NIBAN1: variants seen among roughly 807,000 people sequenced by gnomAD.
The protein encoded by NIBAN1 is niban apoptosis regulator 1, also known as protein Niban 1.
In NIBAN1, 81 loss-of-function variants were observed where a neutral mutation model predicts 75.1. The observed-to-expected ratio is 1.08, with a 90% CI of 0.90 to 1.30. The LOEUF (loss-of-function observed/expected upper bound fraction) is 1.30, where lower values mean the gene tolerates loss of function less well. Ranked by LOEUF, NIBAN1 falls within the 50% of genes most tolerant of loss-of-function variation. The pLI is 0.00. For synonymous variants in NIBAN1, 436 were observed against 424.8 expected (o/e 1.03, Z -0.32); for missense variants, 1,133 against 1,128.1 (o/e 1.00, Z -0.06).
chr1:184,834,127 T>C (rs1415206880), intron 5 of NIBAN1, among the ~76,000 whole-genome samples: 2 of 152,048 alleles, frequency 1.3e-5, no homozygotes, highest in Non-Finnish European at 2.9e-5. Flanking sequence ...TCTGTCCTTG[T>C]GATAGTTTGC....
At chr1:184,890,261 C>T (rs781546627) in intron 3 of NIBAN1, 39 bp from the exon 4 acceptor site, 1 of 1,506,794 alleles carries the variant, frequency 6.6e-7, no homozygotes, top group Admixed American at 1.7e-5. Context: ...TATCTTTTTC[C>T]CCATTTGATT....
chr1:184,856,891 G>A (rs1296358861), intron 5 of NIBAN1, among the ~76,000 whole-genome samples: 1 of 152,202 alleles, frequency 6.6e-6, no homozygotes, highest in Admixed American at 6.5e-5. Flanking sequence ...ATGGGAGTCT[G>A]GTTTGGAATA....
intron 5 of NIBAN1, among the ~76,000 whole-genome samples, chr1:184,881,196 G>C (rs1450211363): frequency 6.6e-6 from 1 of 152,086 alleles, no homozygotes; most frequent in South Asian, 2.1e-4. Context: ...TTTTGAAGGA[G>C]GGAGAAACAT....
At chr1:184,877,225 A>G (rs961083088) in intron 5 of NIBAN1, among the ~76,000 whole-genome samples, 12 of 152,226 alleles carry the variant, frequency 7.9e-5, no homozygotes, top group Admixed American at 5.9e-4. Flanking sequence ...ATAATACTGA[A>G]CAAAAAGAAG....
chr1:184,898,578 T>C (rs1168096143), intron 2 of NIBAN1, among the ~76,000 whole-genome samples: 3 of 152,226 alleles, frequency 2.0e-5, no homozygotes, highest in African/African-American at 7.2e-5. Context: ...ATTGTATCAC[T>C]GCACTCCAGC....
intron 5 of NIBAN1, among the ~76,000 whole-genome samples, chr1:184,864,962 C>A: frequency 1.4e-5 from 2 of 144,188 alleles, no homozygotes. Flanking sequence ...CAGGTTTTAG[C>A]TGAAACAATA....
At chr1:184,901,922 G>A (rs542866414) in intron 1 of NIBAN1, among the ~76,000 whole-genome samples, 1 of 152,288 alleles carries the variant, frequency 6.6e-6, no homozygotes, top group African/African-American at 2.4e-5. Flanking sequence ...TTCAAACTAT[G>A]TATGATATAG....
chr1:184,871,765 T>A (rs1421743841), intron 5 of NIBAN1, among the ~76,000 whole-genome samples: 2 of 152,172 alleles, frequency 1.3e-5, no homozygotes, highest in East Asian at 3.8e-4. Flanking sequence ...CAAATTAAAT[T>A]GCAGAAACCA....
Position 184,920,806 on chromosome 1 carries a change from G to T in NIBAN1, c.56-21497C>A, listed in dbSNP as rs370582565. ...AAAATGGTAAACTCAGGGAAGTAAGGCATTCTATATTTTAAAATGAATGCA... is the reference window on the plus strand; with the variant it reads ...AAAATGGTAAACTCAGGGAAGTAAGTCATTCTATATTTTAAAATGAATGCA... On this transcript the variant is annotated intron_variant, in intron 1 of 13. Transcript: ENST00000367511. Among the ~76,000 whole-genome samples the T allele has an allele frequency of 1.4e-4, 21 of 152,202 alleles. No individual in the cohort carries two copies. In the East Asian group the frequency reaches 3.7e-3, roughly 27 times the overall value.
At chr1:184,886,805 T>G (rs1288492021) in intron 4 of NIBAN1, among the ~76,000 whole-genome samples, 1 of 152,082 alleles carries the variant, frequency 6.6e-6, no homozygotes, top group Non-Finnish European at 1.5e-5. Context: ...CATGACCACA[T>G]GGGAGTCTAC....
chr1:184,798,113 A>T lies in NIBAN1; in HGVS notation c.1632T>A (p.Ile544=), dbSNP rs1653927660. 6 of 1,611,610 alleles carry T rather than the reference A, an allele frequency of 3.7e-6. No homozygotes were observed. The highest frequency in any genetic ancestry group is 5.1e-6 in the Non-Finnish European group (6 of 1,178,260). Residue 544 remains isoleucine (I), a synonymous_variant, in exon 13 of 14, where the codon ATT becomes ATA. Transcript: ENST00000367511. ...TTTCATCAAGCAGGATCTGATGTAAAATCTCCTCATAGACATTTTCAACGT... is the reference window on the plus strand; with the variant it reads ...TTTCATCAAGCAGGATCTGATGTAATATCTCCTCATAGACATTTTCAACGT... ...MIHVENVYEE[I]LHQILLDETL... is the part of the protein sequence containing the mutation.
At chr1:184,955,287 G>T (rs1246547648) in intron 1 of NIBAN1, among the ~76,000 whole-genome samples, 2 of 105,746 alleles carry the variant, frequency 1.9e-5, no homozygotes, top group East Asian at 5.4e-4. Flanking sequence ...AGATATAAAA[G>T]GCTTCAATCT....
chr1:184,894,122 C>T lies in NIBAN1; in HGVS notation c.271G>A (p.Val91Ile), dbSNP rs143246041. 29 of 1,612,662 alleles carry T rather than the reference C, an allele frequency of 1.8e-5. No homozygotes were observed. Among genetic ancestry groups the T allele is most frequent in the South Asian group, 1.3e-4 (12 of 90,796 alleles). ...ACAGCATAATCATTTTTAACTACAA[C>T]GTATCTCTCCTTCCACTTCTTTATG... ...EDIKKWKERY[V>I]VVKNDYAVES... Residue 91 changes from valine (V) to isoleucine (I), a missense_variant, in exon 3 of 14, where the codon GTT (valine) becomes ATT (isoleucine). Val to Ile is a conservative substitution (Grantham distance 29). Transcript: ENST00000367511.
At chr1:184,827,560 G>GTTTTATTTTT (rs1553217799) in intron 6 of NIBAN1, among the ~76,000 whole-genome samples, 1 of 117,682 alleles carries the variant, frequency 8.5e-6, no homozygotes, top group Non-Finnish European at 1.6e-5. Context: ...AAATACTTCA[G>GTTTTATTTTT]TTTTTTTTTT....
chr1:184,973,148 G>A (rs1658981497), intron 1 of NIBAN1, among the ~76,000 whole-genome samples: 1 of 152,116 alleles, frequency 6.6e-6, no homozygotes, highest in Non-Finnish European at 1.5e-5. Context: ...CAAAAGCAAA[G>A]AGATACTTGA....
At chr1:184,922,510 C>T (rs571174430) in intron 1 of NIBAN1, among the ~76,000 whole-genome samples, 1 of 152,302 alleles carries the variant, frequency 6.6e-6, no homozygotes, top group South Asian at 2.1e-4. Context: ...TCACTTTGGG[C>T]ACCTTTTCAT....
At chr1:184,827,529 A>G (rs1654873253) in intron 6 of NIBAN1, among the ~76,000 whole-genome samples, 1 of 148,418 alleles carries the variant, frequency 6.7e-6, no homozygotes, top group Non-Finnish European at 1.5e-5. Flanking sequence ...TATCCACTGA[A>G]TTTTAACATA....
chr1:184,899,807 C>CT (rs66802117), intron 1 of NIBAN1, among the ~76,000 whole-genome samples: 1,063 of 100,320 alleles, frequency 0.011, 44 homozygotes, highest in East Asian at 0.067. Flanking sequence ...ACATCACTCT[C>CT]TTTTTTTTTT....
chr1:184,906,356 C>T lies in NIBAN1; in HGVS notation c.56-7047G>A, dbSNP rs955296546. On this transcript the variant is annotated intron_variant, in intron 1 of 13. Coordinates refer to ENST00000367511, the MANE Select transcript of NIBAN1 (RefSeq NM_052966.4). ...ATAAAATATCAGACTCTTGGCTGGG[C>T]GCGGTGGCTCACACCTGTAATCCTA... Among the ~76,000 whole-genome samples, 9 of 151,890 alleles carry T rather than the reference C, an allele frequency of 5.9e-5. No individual in the cohort carries two copies. In the South Asian group the frequency reaches 6.2e-4, roughly 11 times the overall value.
Sources: allele counts gnomAD v4.1 joint callset (sites outside exome capture counted in the v4.1 genomes callset), GRCh38; gene constraint gnomAD v4.1.1; transcripts MANE v1.5; gene names NCBI Gene and HGNC (gene_info 2026-07-23, HGNC 2026-07-21).